ABCA10: variants seen among roughly 807,000 people sequenced by gnomAD.
The protein encoded by ABCA10 is ATP-binding cassette sub-family A member 10.
In ABCA10, 169 loss-of-function variants were observed where a neutral mutation model predicts 187.5. The observed-to-expected ratio is 0.90, with a 90% CI of 0.80 to 1.02. The LOEUF (loss-of-function observed/expected upper bound fraction) is 1.02, where lower values mean the gene tolerates loss of function less well. Among genes scored for constraint, ABCA10 ranks in the 50% least tolerant of loss-of-function variants. ABCA10 has a pLI of 0.00. For synonymous variants in ABCA10, 574 were observed against 601.8 expected (o/e 0.95, Z 0.68); for missense variants, 1,727 against 1,812.4 (o/e 0.95, Z 0.86).
At chr17:69,232,294 T>C (rs1048516183), upstream of ABCA10, among the ~76,000 whole-genome samples, 1 of 152,134 alleles carries the variant, frequency 6.6e-6, no homozygotes, top group Admixed American at 6.5e-5. Flanking sequence ...TGTTTTCTAG[T>C]TGTTTTGTGG....
chr17:69,181,953 T>G (rs1187577994), intron 22 of ABCA10, among the ~76,000 whole-genome samples, 200 bp downstream of exon 22: 2 of 151,952 alleles, frequency 1.3e-5, no homozygotes, highest in African/African-American at 4.8e-5. Context: ...GTAAATTCAT[T>G]TAATCTTCAC....
intron 10 of ABCA10, among the ~76,000 whole-genome samples, chr17:69,200,376 C>T (rs746702702): frequency 1.3e-5 from 2 of 152,156 alleles, no homozygotes; most frequent in African/African-American, 2.4e-5. Flanking sequence ...TTGGTTTAAA[C>T]CTACAGACTA....
At chr17:69,182,956 T>TA (rs2074392256) in intron 20 of ABCA10, 148 bp from the exon 21 acceptor site, 4 of 896,628 alleles carry the variant, frequency 4.5e-6, no homozygotes, top group Non-Finnish European at 6.4e-6. Flanking sequence ...AGTACAATAC[T>TA]ATTCATTCTG....
At chr17:69,199,629 A>ATATCC (rs1303742412) in intron 10 of ABCA10, among the ~76,000 whole-genome samples, 1 of 152,310 alleles carries the variant, frequency 6.6e-6, no homozygotes, top group Non-Finnish European at 1.5e-5. Flanking sequence ...AGACCACTGA[A>ATATCC]TAGGATGACT....
chr17:69,148,771 T>G lies in ABCA10; in HGVS notation c.*56A>C. The G allele has an allele frequency of 7.4e-7, 1 of 1,346,282 alleles. No homozygotes were observed. The highest frequency in any genetic ancestry group is 1.0e-6 in the Non-Finnish European group (1 of 954,420). 83.4% of individuals were successfully genotyped at this position (1,346,282 alleles called of 1,614,324 possible). ...GTAAAAGGAAACATTCTTGTAGAAT[T>G]ATGGAAACTAACAATGTAGTAGGAC... On this transcript the variant is annotated 3_prime_UTR_variant, in exon 39 of 39. Coordinates refer to ENST00000690296, the MANE Select transcript of ABCA10 (RefSeq NM_001377321.1).
chr17:69,198,501 G>A (rs564368869), intron 10 of ABCA10, among the ~76,000 whole-genome samples: 3 of 152,192 alleles, frequency 2.0e-5, no homozygotes, highest in African/African-American at 7.2e-5. Context: ...CAGACTTCTT[G>A]ACAAGGACTG....
chr17:69,237,329 C>G (rs989536191), intron 1 of ABCA10, among the ~76,000 whole-genome samples: 2 of 152,206 alleles, frequency 1.3e-5, no homozygotes, highest in African/African-American at 4.8e-5. Context: ...TTTGCCAAAT[C>G]AGTGGCTGTA....
At chr17:69,206,905 A>T (rs1188461150) in intron 9 of ABCA10, among the ~76,000 whole-genome samples, 1 of 152,190 alleles carries the variant, frequency 6.6e-6, no homozygotes, top group Non-Finnish European at 1.5e-5. Context: ...GCAACAAAAC[A>T]AAAGTAGACA....
At chr17:69,212,302 G>A (rs1481499704) in intron 9 of ABCA10, among the ~76,000 whole-genome samples, 1 of 152,082 alleles carries the variant, frequency 6.6e-6, no homozygotes, top group South Asian at 2.1e-4. Flanking sequence ...GCTCCTTTTG[G>A]AGTTGATTTT....
intron 37 of ABCA10, chr17:69,149,471 A>G: frequency 4.9e-6 from 1 of 204,878 alleles, no homozygotes; most frequent in Non-Finnish European, 9.9e-6. Flanking sequence ...AGCCATAAAT[A>G]CGCAGTGTCT....
At chr17:69,156,708 A>T (rs1032942141) in intron 28 of ABCA10, 124 bp downstream of exon 28, 1 of 456,760 alleles carries the variant, frequency 2.2e-6, no homozygotes, top group African/African-American at 2.1e-5. Flanking sequence ...CTCAATTAGT[A>T]TTCTCCCAAC....
In ABCA10 at chr17:69,148,721, T is replaced by C; in HGVS notation, c.*106A>G. 1.0e-6 allele frequency: 1 copy of C among 966,924 alleles called. No homozygotes were observed. The highest frequency in any genetic ancestry group is 2.5e-5 in the East Asian group (1 of 39,938). 59.9% of individuals were successfully genotyped at this position (966,924 alleles called of 1,614,324 possible). A position where few individuals can be genotyped will look rare whatever the true frequency, so the allele number is the denominator to read the frequency against. On this transcript the variant is annotated 3_prime_UTR_variant, in exon 39 of 39. Coordinates refer to ENST00000690296, the MANE Select transcript of ABCA10 (RefSeq NM_001377321.1). Reference sequence around the variant, plus strand: ...ACTGTAATCATTATTGAATGTTTATTAAATGTTTTCTTTTGTTAACTGAAG... The same window carrying C: ...ACTGTAATCATTATTGAATGTTTATCAAATGTTTTCTTTTGTTAACTGAAG...
At chr17:69,232,054 ACTC>A (rs2074835545), upstream of ABCA10, among the ~76,000 whole-genome samples, 1 of 151,298 alleles carries the variant, frequency 6.6e-6, no homozygotes, top group African/African-American at 2.4e-5. Context: ...AAGTATAGCT[ACTC>A]CTACTCTTTT....
chr17:69,208,873 CA>C (rs1355094354), intron 9 of ABCA10, among the ~76,000 whole-genome samples: 1 of 151,934 alleles, frequency 6.6e-6, no homozygotes, highest in African/African-American at 2.4e-5. Context: ...CCCACCTCTA[CA>C]AAAAAATTTT....
chr17:69,203,272 A>C (rs925832257), intron 9 of ABCA10, among the ~76,000 whole-genome samples: 20 of 152,242 alleles, frequency 1.3e-4, no homozygotes, highest in African/African-American at 4.6e-4. Flanking sequence ...GAAAAAACAA[A>C]GAAAAAATTT....
At chr17:69,151,961 C>A (rs181892626) in intron 36 of ABCA10, 82 bp downstream of exon 36, 51 of 1,518,530 alleles carry the variant, frequency 3.4e-5, no homozygotes, top group Non-Finnish European at 4.2e-5. Flanking sequence ...CTTTCTCTTC[C>A]GGTTTAGACT....
Position 69,225,416 on chromosome 17 carries a change from A to G in ABCA10, c.-58T>C. ...ATGCCACTACCAGGCCAGAGTCATTAAACTGATCCACGCTTCCCAGGACTT... is the reference window on the plus strand; with the variant it reads ...ATGCCACTACCAGGCCAGAGTCATTGAACTGATCCACGCTTCCCAGGACTT... On this transcript the variant is annotated 5_prime_UTR_variant, in exon 3 of 39. Coordinates refer to ENST00000690296, the MANE Select transcript of ABCA10 (RefSeq NM_001377321.1). 1 of 1,581,388 alleles carries G rather than the reference A, an allele frequency of 6.3e-7. No homozygotes were observed. Among genetic ancestry groups the G allele is most frequent in the South Asian group, 1.1e-5 (1 of 89,628 alleles).
intron 30 of ABCA10, 94 bp from the exon 31 acceptor site, chr17:69,154,420 CTTTTTTTTTT>C (rs56142812): frequency 1.1e-5 from 5 of 464,342 alleles, no homozygotes; most frequent in South Asian, 9.8e-5. Flanking sequence ...AACAAAATGA[CTTTTTTTTTT>C]TTTTTTTTTT....
At chr17:69,210,998 C>T (rs189139582) in intron 9 of ABCA10, among the ~76,000 whole-genome samples, 13 of 151,070 alleles carry the variant, frequency 8.6e-5, no homozygotes, top group Non-Finnish European at 5.9e-5. Flanking sequence ...GCACAGATGT[C>T]GTGAGAAGGG....
Sources: allele counts gnomAD v4.1 joint callset (sites outside exome capture counted in the v4.1 genomes callset), GRCh38; gene constraint gnomAD v4.1.1; transcripts MANE v1.5; gene names NCBI Gene and HGNC (gene_info 2026-07-23, HGNC 2026-07-21).